UBTD1: variants seen among roughly 807,000 people sequenced by gnomAD.
UBTD1 encodes ubiquitin domain containing 1, also known as ubiquitin domain-containing protein 1.
A neutral mutation model predicts 21.7 loss-of-function variants in UBTD1; 19 were observed. The observed-to-expected ratio is 0.87, with a 90% CI of 0.61 to 1.28. The LOEUF (loss-of-function observed/expected upper bound fraction) is 1.28. Ranked by LOEUF, UBTD1 falls within the 50% of genes most tolerant of loss-of-function variation. UBTD1 has a pLI of 0.00. For missense variants in UBTD1, 282 were observed against 315.1 expected (o/e 0.89, Z 0.80); for synonymous variants, 116 against 135.1 (o/e 0.86, Z 0.98).
chr10:97,546,507 T>A (rs2040611273), intron 1 of UBTD1, among the ~76,000 whole-genome samples: 1 of 151,296 alleles, frequency 6.6e-6, no homozygotes, highest in Non-Finnish European at 1.5e-5. Context: ...GGAGGATTAT[T>A]TGAGTCCAGG....
At chr10:97,532,257 C>G (rs1317083086) in intron 1 of UBTD1, among the ~76,000 whole-genome samples, 3 of 152,224 alleles carry the variant, frequency 2.0e-5, no homozygotes, top group African/African-American at 7.2e-5. Context: ...TGTAAGTTCA[C>G]TTGTTTGCTG....
chr10:97,524,397 G>A (rs542819805), intron 1 of UBTD1, among the ~76,000 whole-genome samples: 3 of 152,120 alleles, frequency 2.0e-5, no homozygotes, highest in South Asian at 2.1e-4. Flanking sequence ...CACCAAGCCC[G>A]GTCCCCCATA....
chr10:97,516,468 G>A (rs759113602), intron 1 of UBTD1, among the ~76,000 whole-genome samples: 3 of 152,176 alleles, frequency 2.0e-5, no homozygotes, highest in Non-Finnish European at 2.9e-5. Flanking sequence ...CTTTGGGCAG[G>A]GCAGACATTA....
chr10:97,550,501 C>G (rs1247473942), intron 1 of UBTD1, among the ~76,000 whole-genome samples: 1 of 152,178 alleles, frequency 6.6e-6, no homozygotes, highest in African/African-American at 2.4e-5. Flanking sequence ...CCGCCTGCCT[C>G]CCTGCTGCTG....
At chr10:97,514,402 T>C (rs1478449139) in intron 1 of UBTD1, among the ~76,000 whole-genome samples, 1 of 152,198 alleles carries the variant, frequency 6.6e-6, no homozygotes, top group Admixed American at 6.5e-5. Context: ...TTCCATTTAC[T>C]GCCCAGTTTC....
rs1157507341 is a variant in UBTD1 at position 97,559,678 on chromosome 10, A to G, written c.71-8236A>G. ...TTTTCATGTTTGACCATAAGGTAAG[A>G]TTTTATAGACTCTTTTTAACCTTTT... is the stretch of plus-strand genomic sequence containing the variant. On this transcript the variant is annotated intron_variant, in intron 1 of 2. Coordinates refer to ENST00000370664, the MANE Select transcript of UBTD1 (RefSeq NM_024954.5). 2.0e-5 allele frequency among the ~76,000 whole-genome samples: 3 copies of G among 152,248 alleles called. No homozygotes were observed. The South Asian group carries it at 6.2e-4, about 32-fold the overall frequency.
intron 1 of UBTD1, among the ~76,000 whole-genome samples, chr10:97,527,317 A>C (rs2040494261): frequency 6.6e-6 from 1 of 151,786 alleles, no homozygotes; most frequent in Non-Finnish European, 1.5e-5. Flanking sequence ...TCTATACAAA[A>C]AATTTCAAAA....
chr10:97,534,238 C>T (rs373210236), intron 1 of UBTD1, among the ~76,000 whole-genome samples: 17 of 152,196 alleles, frequency 1.1e-4, no homozygotes, highest in African/African-American at 3.4e-4. Flanking sequence ...GTGGTCCACT[C>T]GCTGGTTCAT....
intron 1 of UBTD1, among the ~76,000 whole-genome samples, chr10:97,542,037 C>T (rs2040589573): frequency 6.6e-6 from 1 of 152,166 alleles, no homozygotes; most frequent in Non-Finnish European, 1.5e-5. Flanking sequence ...CGCCCGGCCT[C>T]CTCTCTGATT....
At chr10:97,510,337 A>G (rs2040418623) in intron 1 of UBTD1, among the ~76,000 whole-genome samples, 1 of 152,206 alleles carries the variant, frequency 6.6e-6, no homozygotes, top group African/African-American at 2.4e-5. Flanking sequence ...TCCTTTGGTG[A>G]CAGGTCATTA....
intron 1 of UBTD1, among the ~76,000 whole-genome samples, chr10:97,501,138 C>A (rs1453937053): frequency 6.6e-6 from 1 of 152,224 alleles, no homozygotes; most frequent in Non-Finnish European, 1.5e-5. Context: ...TTGTACCCTT[C>A]TCACCTCAAG....
chr10:97,560,811 C>A (rs1439610373), intron 1 of UBTD1, among the ~76,000 whole-genome samples: 2 of 151,922 alleles, frequency 1.3e-5, no homozygotes, highest in Non-Finnish European at 2.9e-5. Flanking sequence ...GACAAAACAC[C>A]ACGCTTACAC....
intron 1 of UBTD1, among the ~76,000 whole-genome samples, chr10:97,531,033 G>A (rs2040528054): frequency 6.6e-6 from 1 of 151,680 alleles, no homozygotes; most frequent in Admixed American, 6.6e-5. Flanking sequence ...GACTACAGGT[G>A]CCCGCCACCA....
chr10:97,533,685 G>A (rs1479805173), intron 1 of UBTD1, among the ~76,000 whole-genome samples: 1 of 152,018 alleles, frequency 6.6e-6, no homozygotes, highest in Non-Finnish European at 1.5e-5. Context: ...GCACTTTGGG[G>A]GACTGAGGCG....
chr10:97,569,627 T>C (rs892384722), intron 2 of UBTD1, among the ~76,000 whole-genome samples: 12 of 152,198 alleles, frequency 7.9e-5, no homozygotes, highest in African/African-American at 2.9e-4. Flanking sequence ...TCAAGAGACA[T>C]TTATTTTCCA....
At chr10:97,515,136 C>T (rs2040438934) in intron 1 of UBTD1, among the ~76,000 whole-genome samples, 2 of 152,226 alleles carry the variant, frequency 1.3e-5, no homozygotes. Flanking sequence ...TGCAGTTGGA[C>T]TTGCTGGCCT....
At chr10:97,539,032 T>G (rs544333236) in intron 1 of UBTD1, among the ~76,000 whole-genome samples, 2 of 152,190 alleles carry the variant, frequency 1.3e-5, no homozygotes, top group Non-Finnish European at 2.9e-5. Context: ...AGTGCTTGTG[T>G]TGCCCTGGGC....
chr10:97,540,393 G>A (rs1204895684), intron 1 of UBTD1, among the ~76,000 whole-genome samples: 2 of 152,200 alleles, frequency 1.3e-5, no homozygotes, highest in African/African-American at 4.8e-5. Context: ...CTCAGGAGAC[G>A]CAGTATCTTG....
chr10:97,561,335 A>G (rs1332762525), intron 1 of UBTD1, among the ~76,000 whole-genome samples: 1 of 152,130 alleles, frequency 6.6e-6, no homozygotes, highest in Admixed American at 6.5e-5. Flanking sequence ...ATGTAGCAGG[A>G]TGAGCCACAG....
Sources: gnomAD v4.1 joint callset for allele counts (sites outside exome capture counted in the v4.1 genomes callset) on GRCh38, gnomAD v4.1.1 for gene constraint, MANE v1.5 for transcripts, NCBI Gene and HGNC (gene_info 2026-07-23, HGNC 2026-07-21) for gene names.